The following DLGAP4 variants were observed in gnomAD, a reference collection of about 807,000 sequenced individuals.
The protein encoded by DLGAP4 is DLG associated protein 4.
Under a neutral mutation model 86.9 loss-of-function variants are expected in DLGAP4, and 18 were observed. That is an observed-to-expected ratio of 0.21 (90% CI 0.14 to 0.31). DLGAP4 has a LOEUF of 0.31. DLGAP4 is among the 10% of genes least tolerant of loss of function. The probability of loss-of-function intolerance (pLI) is 1.00; values close to 1 mark genes in which losing one functional copy is unlikely to be tolerated. For missense variants in DLGAP4, 1,085 were observed against 1,362.6 expected (o/e 0.80, Z 3.21); for synonymous variants, 548 against 574.3 (o/e 0.95, Z 0.65).
At position 36,423,632 on chromosome 20, in the gene DLGAP4, G is replaced by A. The variant is rs142583509; in HGVS notation, c.-72-8014G>A. Among the ~76,000 whole-genome samples the A allele has an allele frequency of 5.3e-5, 8 of 151,950 alleles. No homozygotes were observed. In the East Asian group the frequency reaches 1.2e-3, roughly 22 times the overall value. ...GTGTGACTGATACTGATTGGGCATC[G>A]AAATGCGAGGCTTTCTATATGACAT... is the stretch of plus-strand genomic sequence containing the variant. On this transcript the variant is annotated intron_variant, in intron 2 of 12. Transcript: ENST00000339266.
chr20:36,417,773 G>T (rs6104507), intron 2 of DLGAP4, among the ~76,000 whole-genome samples: 325 of 31,060 alleles, frequency 0.01, 1 homozygote, highest in Middle Eastern at 0.022. Context: ...GGTTTTTTTG[G>T]TTTTTTTTTT....
At chr20:36,419,551 T>G (rs1016185774) in intron 2 of DLGAP4, among the ~76,000 whole-genome samples, 2 of 152,166 alleles carry the variant, frequency 1.3e-5, no homozygotes, top group African/African-American at 2.4e-5. Context: ...GGGTCTTTCA[T>G]GAGATGCAGT....
chr20:36,421,479 AG>A (rs1289589404), intron 2 of DLGAP4, among the ~76,000 whole-genome samples: 1 of 150,226 alleles, frequency 6.7e-6, no homozygotes, highest in East Asian at 2.0e-4. Context: ...AAGAGAGAAT[AG>A]GTTTTAGTCC....
chr20:36,331,170 A>C (rs1312786538), intron 1 of DLGAP4, among the ~76,000 whole-genome samples: 1 of 152,158 alleles, frequency 6.6e-6, no homozygotes, highest in Admixed American at 6.5e-5. Flanking sequence ...CGTGGTGAGA[A>C]ATAAATGGGT....
At chr20:36,522,667 GGCCACCACGCC>G (rs1456888871) in intron 10 of DLGAP4, among the ~76,000 whole-genome samples, 2 of 151,938 alleles carry the variant, frequency 1.3e-5, no homozygotes. Context: ...TACAGGCATG[GGCCACCACGCC>G]TGGCTAATTT....
chr20:36,513,917 A>C (rs999216475), intron 10 of DLGAP4, among the ~76,000 whole-genome samples: 1 of 152,208 alleles, frequency 6.6e-6, no homozygotes, highest in African/African-American at 2.4e-5. Flanking sequence ...GTTAGACATC[A>C]GAATAGAGAA....
At chr20:36,386,483 G>T (rs554036989) in intron 2 of DLGAP4, among the ~76,000 whole-genome samples, 2 of 151,908 alleles carry the variant, frequency 1.3e-5, no homozygotes, top group South Asian at 4.2e-4. Flanking sequence ...AAGAGGGATG[G>T]GGGAGGGAGG....
intron 7 of DLGAP4, among the ~76,000 whole-genome samples, chr20:36,466,269 G>A (rs1319757990): frequency 6.6e-6 from 1 of 152,176 alleles, no homozygotes; most frequent in East Asian, 1.9e-4. Flanking sequence ...TCAGCTTTCT[G>A]TACCTCCGTT....
intron 7 of DLGAP4, among the ~76,000 whole-genome samples, chr20:36,447,166 T>C (rs1037673934): frequency 2.6e-5 from 4 of 152,036 alleles, no homozygotes; most frequent in African/African-American, 9.7e-5. Flanking sequence ...CTGGGGGGCA[T>C]GGGAGGTATT....
At chr20:36,499,429 G>A (rs375096437) in intron 8 of DLGAP4, 159 bp from the exon 9 acceptor site, 229 of 1,388,628 alleles carry the variant, frequency 1.6e-4, no homozygotes, top group African/African-American at 1.1e-3. Flanking sequence ...AACCTGGTCC[G>A]GCCTCGGGCC....
At chr20:36,379,171 C>T (rs184106394) in intron 2 of DLGAP4, among the ~76,000 whole-genome samples, 1 of 152,290 alleles carries the variant, frequency 6.6e-6, no homozygotes, top group East Asian at 1.9e-4. Context: ...CTGGAGCTGG[C>T]CCTGCAAATG....
chr20:36,384,439 T>G (rs2031522552), intron 2 of DLGAP4, among the ~76,000 whole-genome samples: 2 of 152,198 alleles, frequency 1.3e-5, no homozygotes, highest in Admixed American at 6.5e-5. Context: ...TTAATAACTT[T>G]GGATGTATTA....
At chr20:36,359,664 G>T (rs987905648) in intron 1 of DLGAP4, among the ~76,000 whole-genome samples, 23 of 152,160 alleles carry the variant, frequency 1.5e-4, no homozygotes, top group African/African-American at 5.6e-4. Context: ...AGAAAGCTAG[G>T]TAAAGGGCTT....
At chr20:36,420,317 G>A (rs1031525816) in intron 2 of DLGAP4, among the ~76,000 whole-genome samples, 4 of 152,302 alleles carry the variant, frequency 2.6e-5, no homozygotes, top group Admixed American at 6.5e-5. Context: ...GCTGGCAGAC[G>A]AGGAGCTGCT....
intron 1 of DLGAP4, among the ~76,000 whole-genome samples, chr20:36,339,209 T>G (rs546263331): frequency 6.6e-6 from 1 of 151,728 alleles, no homozygotes; most frequent in East Asian, 2.0e-4. Context: ...TGCTTCAGCC[T>G]CCCAAGTAGC....
In DLGAP4 at chr20:36,423,977, G is replaced by A. The variant is rs529133518; in HGVS notation, c.-72-7669G>A. Among the ~76,000 whole-genome samples the A allele has an allele frequency of 2.0e-5, 3 of 152,042 alleles. No homozygotes were observed. The East Asian group carries it at 5.8e-4, about 29-fold the overall frequency. On this transcript the variant is annotated intron_variant, in intron 2 of 12. Coordinates refer to ENST00000339266, the MANE Select transcript of DLGAP4 (RefSeq NM_001365621.2). ...TCGGTCTAAAAAAAAACCGAAAACGGATCATTATCCCCATGTTACAGAAGA... is the reference window on the plus strand; with the variant it reads ...TCGGTCTAAAAAAAAACCGAAAACGAATCATTATCCCCATGTTACAGAAGA...
At chr20:36,464,819 C>T (rs2147631866) in intron 7 of DLGAP4, among the ~76,000 whole-genome samples, 1 of 151,352 alleles carries the variant, frequency 6.6e-6, no homozygotes, top group South Asian at 2.1e-4. Flanking sequence ...CATTGCACTC[C>T]AGCATGGGTG....
intron 1 of DLGAP4, among the ~76,000 whole-genome samples, chr20:36,332,043 A>G (rs4810975): frequency 0.021 from 3,191 of 152,246 alleles, 257 homozygotes; most frequent in Admixed American, 0.15. Flanking sequence ...TAGGAAGGAC[A>G]TGGGTTTTCC....
chr20:36,448,204 G>A (rs1420049592), intron 7 of DLGAP4, among the ~76,000 whole-genome samples: 5 of 151,950 alleles, frequency 3.3e-5, no homozygotes, highest in Non-Finnish European at 4.4e-5. Context: ...TTAAAAATTC[G>A]CTGGTCGGGT....
Sources: allele counts gnomAD v4.1 joint callset (sites outside exome capture counted in the v4.1 genomes callset), GRCh38; gene constraint gnomAD v4.1.1; transcripts MANE v1.5; gene names NCBI Gene and HGNC (gene_info 2026-07-23, HGNC 2026-07-21).